MRGBP: variants seen among roughly 807,000 people sequenced by gnomAD.
The protein encoded by MRGBP is MRG domain binding protein.
MRGBP carries 5 observed loss-of-function variants against 21.5 expected under a neutral mutation model. The observed-to-expected ratio is 0.23, with a 90% CI of 0.12 to 0.49. The LOEUF is 0.49. Ranked by LOEUF, MRGBP falls within the 20% of genes least tolerant of loss-of-function variation. The pLI, the probability that MRGBP is intolerant of heterozygous loss-of-function variation, is 0.98. For missense variants in MRGBP, 227 were observed against 277.4 expected (o/e 0.82, Z 1.29); for synonymous variants, 118 against 104.4 (o/e 1.13, Z -0.79).
At chr20:62,797,318 G>A (rs1264842436) in intron 2 of MRGBP, 87 bp downstream of exon 2, 2 of 1,460,450 alleles carry the variant, frequency 1.4e-6, no homozygotes, top group African/African-American at 2.9e-5. Flanking sequence ...CTGGGCAGAG[G>A]CCCCTCCATG....
Position 62,798,729 on chromosome 20 carries a change from G to C in MRGBP, c.352+61G>C, listed in dbSNP as rs1990390274. 1.9e-6 allele frequency: 3 copies of C among 1,600,692 alleles called. No homozygotes were observed. In the South Asian group the frequency reaches 3.3e-5, roughly 18 times the overall value. ...AAAGGCCAGACCCTGGCCAAGGGCA[G>C]GGAGGTGAGGGTGAGGACCCCGGGC... On this transcript the variant is annotated intron_variant, in intron 3 of 4. Transcript: ENST00000370487.
intron 1 of MRGBP, 38 bp from the exon 2 acceptor site, chr20:62,797,072 C>CCGCT (rs374367597): frequency 0.015 from 23,040 of 1,564,720 alleles, 325 homozygotes; most frequent in South Asian, 0.059. Context: ...TTTCTCCTCA[C>CCGCT]CGCTCACCGG....
At chr20:62,798,243 T>C (rs986418322) in intron 2 of MRGBP, among the ~76,000 whole-genome samples, 1 of 152,164 alleles carries the variant, frequency 6.6e-6, no homozygotes, top group East Asian at 1.9e-4. Flanking sequence ...ATGGTGAGAC[T>C]GCAGGCCGTG....
intron 3 of MRGBP, 47 bp downstream of exon 3, chr20:62,798,715 C>A: frequency 6.2e-7 from 1 of 1,603,022 alleles, no homozygotes; most frequent in Non-Finnish European, 8.5e-7. Context: ...AAGGCCAGAC[C>A]CTGGCCAAGG....
At position 62,797,202 on chromosome 20, in the gene MRGBP, C is replaced by T. The variant is rs1465532631; in HGVS notation, c.241C>T (p.Leu81=). The part of the protein sequence containing the change: ...QVPSKVIWDH[L]STMYDMQALH... ...CCCATCCAAGGTCATCTGGGACCAT[C>T]TGAGCACCATGTACGACATGCAGGC... The change falls in exon 2 of 5, where the codon CTG becomes TTG. Residue 81 remains leucine (L), a synonymous_variant. Transcript: ENST00000370487. 6.2e-7 allele frequency: 1 copy of T among 1,601,860 alleles called. No individual in the cohort carries two copies. The highest frequency in any genetic ancestry group is 8.5e-7 in the Non-Finnish European group (1 of 1,175,404).
At chr20:62,798,122 C>G (rs551033288) in intron 2 of MRGBP, among the ~76,000 whole-genome samples, 11 of 152,364 alleles carry the variant, frequency 7.2e-5, no homozygotes, top group South Asian at 4.1e-4. Flanking sequence ...CCAACCGACA[C>G]CCTCGGTGTC....
rs769818011 is a variant in MRGBP, at chr20:62,798,583, T to C, written c.271-4T>C. 24 of 1,612,152 alleles carry C rather than the reference T, an allele frequency of 1.5e-5. No homozygotes were observed. In the African/African-American group the frequency reaches 1.9e-4, roughly 13 times the overall value. ...CTTAAACAAAACTCTCTATTTGATA[T>C]CAGCATGAGTCTGAGATTCTTCCAT... is the stretch of plus-strand genomic sequence containing the variant. On this transcript the variant is annotated splice_polypyrimidine_tract_variant and splice_region_variant and intron_variant, in intron 2 of 4. Transcript: ENST00000370487.
rs1258427393 is a variant in MRGBP at position 62,797,169 on chromosome 20, C to A, written c.208C>A (p.Arg70=). 4 of 1,607,122 alleles carry A rather than the reference C, an allele frequency of 2.5e-6. No homozygotes were observed. Among genetic ancestry groups the A allele is most frequent in the African/African-American group, 2.7e-5 (2 of 74,334 alleles). Residue 70 remains arginine, a synonymous_variant, in exon 2 of 5, where the codon CGG becomes AGG. Transcript: ENST00000370487. ...IRDKFSQNIG[R]QVPSKVIWDH... Reference sequence around the variant, plus strand: ...GGACAAGTTCAGCCAGAACATCGGGCGGCAGGTCCCATCCAAGGTCATCTG... The same window carrying A: ...GGACAAGTTCAGCCAGAACATCGGGAGGCAGGTCCCATCCAAGGTCATCTG...
At chr20:62,799,339 G>T in intron 4 of MRGBP, 117 bp from the exon 5 acceptor site, 1 of 1,175,102 alleles carries the variant, frequency 8.5e-7, no homozygotes. Context: ...CAGCTCAGGA[G>T]GAAGCTTTGG....
intron 1 of MRGBP, among the ~76,000 whole-genome samples, 154 bp from the exon 2 acceptor site, chr20:62,796,956 A>T: frequency 1.2e-5 from 1 of 86,606 alleles, no homozygotes; most frequent in Non-Finnish European, 2.3e-5. Flanking sequence ...CACACACACC[A>T]CCCAGCCCTG....
rs552458407 is a variant in MRGBP, at chr20:62,796,625, G to A, written c.102G>A (p.Glu34=). ...AGGAGACAGTGGTGTGGAGCCCCGA[G>A]GTGGAGGTGTGCCTCTTCCACGCCA... The part of the protein sequence containing the change: ...PAEETVVWSP[E]VEVCLFHAML... Residue 34 remains glutamate, a synonymous_variant, in exon 1 of 5, where the codon GAG becomes GAA. Transcript: ENST00000370487. 7.6e-5 allele frequency: 101 copies of A among 1,336,888 alleles called. No individual in the cohort carries two copies. The South Asian group carries it at 1.7e-3, about 22-fold the overall frequency. 82.8% of individuals were successfully genotyped at this position (1,336,888 alleles called of 1,614,324 possible). A position where few individuals can be genotyped will look rare whatever the true frequency, so the allele number is the denominator to read the frequency against.
At chr20:62,797,343 C>T in intron 2 of MRGBP, 112 bp downstream of exon 2, 5 of 1,393,132 alleles carry the variant, frequency 3.6e-6, no homozygotes, top group Middle Eastern at 2.6e-4. Flanking sequence ...CTGGGGTCTG[C>T]TGGGCAGAGT....
intron 1 of MRGBP, 38 bp downstream of exon 1, chr20:62,796,709 C>A (rs949169253): frequency 8.0e-7 from 1 of 1,248,886 alleles, no homozygotes; most frequent in Non-Finnish European, 1.0e-6. Flanking sequence ...GGGGGCGGGG[C>A]GGGCAACCGG....
intron 1 of MRGBP, 43 bp from the exon 2 acceptor site, chr20:62,797,067 C>T: frequency 6.6e-7 from 1 of 1,515,480 alleles, no homozygotes; most frequent in Non-Finnish European, 8.9e-7. Flanking sequence ...TCCCCTTTCT[C>T]CTCACCGCTC....
intron 2 of MRGBP, 69 bp downstream of exon 2, chr20:62,797,300 A>C: frequency 6.8e-7 from 1 of 1,480,568 alleles, no homozygotes; most frequent in Non-Finnish European, 9.0e-7. Context: ...TCTGAGAGTC[A>C]GCCTGAGCTG....
At chr20:62,799,401 CAAAAA>C (rs1202375162) in intron 4 of MRGBP, 50 bp from the exon 5 acceptor site, 1 of 1,562,388 alleles carries the variant, frequency 6.4e-7, no homozygotes, top group Non-Finnish European at 8.7e-7. Context: ...AACAGGAAGA[CAAAAA>C]TAAGATTCTG....
rs1004546073 is a variant in MRGBP, at chr20:62,801,546, C to A, written c.*1903C>A. ...CTCAGTCCGGGACAGCAGCCTGGCT[C>A]TTAGGCAGTCCAGAAGCAGCAGGGC... On this transcript the variant is annotated 3_prime_UTR_variant, in exon 5 of 5. Coordinates refer to ENST00000370487, the MANE Select transcript of MRGBP (RefSeq NM_018270.6). The A allele has an allele frequency of 1.3e-5, 2 of 152,334 alleles. No individual in the cohort carries two copies. Among genetic ancestry groups the A allele is most frequent in the Non-Finnish European group, 2.9e-5 (2 of 68,168 alleles). 9.4% of individuals were successfully genotyped at this position (152,334 alleles called of 1,614,324 possible). A position where few individuals can be genotyped will look rare whatever the true frequency, so the allele number is the denominator to read the frequency against.
Position 62,796,567 on chromosome 20 carries a change from A to C in MRGBP, c.44A>C (p.Lys15Thr). 4 of 1,229,536 alleles carry C rather than the reference A, an allele frequency of 3.3e-6. No homozygotes were observed. Among genetic ancestry groups the C allele is most frequent in the East Asian group, 3.7e-5 (1 of 26,910 alleles). 76.2% of individuals were successfully genotyped at this position (1,229,536 alleles called of 1,614,324 possible). ...EVGGGGAAGD[K>T]GPGEAATSPA... Reference sequence around the variant, plus strand: ...GGCGGCGGGGGCGCCGCAGGCGACAAGGGCCCGGGGGAGGCGGCCACCAGC... The same window carrying C: ...GGCGGCGGGGGCGCCGCAGGCGACACGGGCCCGGGGGAGGCGGCCACCAGC... The change falls in exon 1 of 5, where the codon AAG (lysine) becomes ACG (threonine). Residue 15 changes from lysine to threonine, a missense_variant. By Grantham distance (78) the Lys-to-Thr change is moderately conservative. Transcript: ENST00000370487.
rs949259062 is a variant in MRGBP at position 62,798,663 on chromosome 20, G to A, written c.347G>A (p.Arg116Gln). The A allele has an allele frequency of 8.7e-6, 14 of 1,613,606 alleles. No homozygotes were observed. The highest frequency in any genetic ancestry group is 2.2e-5 in the South Asian group (2 of 91,078). ...CCAGAAGAGATCATTCAGGAGGTCC[G>A]AGAAGGTGAGGCTCGGGAAAGGTTG... ...VLPEEIIQEV[R>Q]EGKVMIEEEM... is the part of the protein sequence containing the mutation. Residue 116 changes from arginine to glutamine, a missense_variant, in exon 3 of 5, where the codon CGA becomes CAA. Physicochemically the swap from Arg to Gln is conservative, Grantham distance 43. Coordinates refer to ENST00000370487, the MANE Select transcript of MRGBP (RefSeq NM_018270.6).
Sources: allele counts gnomAD v4.1 joint callset (sites outside exome capture counted in the v4.1 genomes callset), GRCh38; gene constraint gnomAD v4.1.1; transcripts MANE v1.5; gene names NCBI Gene and HGNC (gene_info 2026-07-23, HGNC 2026-07-21).